LNX2: variants seen among roughly 807,000 people sequenced by gnomAD.
LNX2 encodes ligand of numb-protein X 2.
LNX2 carries 35 observed loss-of-function variants against 66.2 expected under a neutral mutation model. That is an observed-to-expected ratio of 0.53 (90% CI 0.40 to 0.70). The LOEUF (loss-of-function observed/expected upper bound fraction) is 0.70. LNX2 is among the 30% of genes least tolerant of loss of function. The pLI, the probability that LNX2 is intolerant of heterozygous loss-of-function variation, is 0.00. For synonymous variants in LNX2, 337 were observed against 315.6 expected, an observed-to-expected ratio of 1.07 and a Z score of -0.72; for missense variants, 791 against 850.8, an observed-to-expected ratio of 0.93 and a Z score of 0.87.
intron 2 of LNX2, among the ~76,000 whole-genome samples, chr13:27,575,133 C>T (rs1197474622): frequency 6.6e-6 from 1 of 152,194 alleles, no homozygotes; most frequent in Non-Finnish European, 1.5e-5. Context: ...AAATGAAGAG[C>T]ATCAGTACAG....
intron 1 of LNX2, among the ~76,000 whole-genome samples, chr13:27,599,211 G>C (rs1044468506): frequency 6.6e-6 from 1 of 151,994 alleles, no homozygotes; most frequent in Non-Finnish European, 1.5e-5. Flanking sequence ...ATTTGTCATG[G>C]GGCACAAAAT....
At chr13:27,567,451 G>T (rs186771124) in intron 4 of LNX2, among the ~76,000 whole-genome samples, 189 bp downstream of exon 4, 1 of 152,066 alleles carries the variant, frequency 6.6e-6, no homozygotes, top group East Asian at 1.9e-4. Flanking sequence ...AATTAAGATA[G>T]GAAGAAAAAA....
chr13:27,590,852 A>T (rs1032660932), intron 1 of LNX2, among the ~76,000 whole-genome samples: 3 of 152,226 alleles, frequency 2.0e-5, no homozygotes, highest in African/African-American at 7.2e-5. Context: ...AGAACAAGAT[A>T]TAAGAAATTT....
chr13:27,575,583 C>T (rs1955333128), intron 2 of LNX2, among the ~76,000 whole-genome samples: 1 of 152,112 alleles, frequency 6.6e-6, no homozygotes, highest in Admixed American at 6.6e-5. Context: ...ACTGGGATCA[C>T]TGGCTCTCCT....
At chr13:27,618,225 A>C (rs1430980407) in intron 1 of LNX2, among the ~76,000 whole-genome samples, 1 of 152,172 alleles carries the variant, frequency 6.6e-6, no homozygotes, top group Non-Finnish European at 1.5e-5. Context: ...ATACCTCTTA[A>C]ACACCACGTC....
At chr13:27,581,238 T>C in intron 2 of LNX2, 59 bp downstream of exon 2, 3 of 1,378,134 alleles carry the variant, frequency 2.2e-6, no homozygotes, top group Non-Finnish European at 2.9e-6. Flanking sequence ...AGTTTTTATG[T>C]TCATTTGAAC....
At chr13:27,615,447 T>C (rs1390932591) in intron 1 of LNX2, among the ~76,000 whole-genome samples, 2 of 152,148 alleles carry the variant, frequency 1.3e-5, no homozygotes, top group Non-Finnish European at 2.9e-5. Flanking sequence ...CTTGGGCCTT[T>C]TATGAAGACT....
At chr13:27,557,424 T>C (rs944696132) in intron 6 of LNX2, among the ~76,000 whole-genome samples, 7 of 152,080 alleles carry the variant, frequency 4.6e-5, no homozygotes, top group Admixed American at 3.3e-4. Context: ...TATGTTTATA[T>C]AGTGTGATAG....
rs572632225 is a variant in LNX2 at position 27,560,381 on chromosome 13, A to G, written c.1225-396T>C. ...AAAGGAAGAACTGCTTCAAAACTTG[A>G]TTAAAGTCCATTGTGACTTTTGAAA... is the stretch of plus-strand genomic sequence containing the variant. On this transcript the variant is annotated intron_variant, in intron 5 of 9. Transcript: ENST00000316334. Among the ~76,000 whole-genome samples the G allele has an allele frequency of 1.1e-4, 16 of 152,222 alleles. No homozygotes were observed. In the South Asian group the frequency reaches 1.9e-3, roughly 18 times the overall value.
At chr13:27,554,649 A>G (rs1955038567) in intron 7 of LNX2, among the ~76,000 whole-genome samples, 1 of 152,160 alleles carries the variant, frequency 6.6e-6, no homozygotes, top group African/African-American at 2.4e-5. Flanking sequence ...TGGACATTTG[A>G]GTGGTTTCCA....
chr13:27,603,328 C>T (rs890958077), intron 1 of LNX2, among the ~76,000 whole-genome samples: 4 of 152,170 alleles, frequency 2.6e-5, no homozygotes, highest in African/African-American at 7.2e-5. Flanking sequence ...CTTGGAACTA[C>T]GTCCTCTAAT....
At chr13:27,586,836 C>T (rs561228893) in intron 1 of LNX2, among the ~76,000 whole-genome samples, 4 of 152,086 alleles carry the variant, frequency 2.6e-5, no homozygotes, top group East Asian at 1.9e-4. Context: ...TTAGCTTGGG[C>T]GGGATTATTA....
chr13:27,619,953 A>G (rs1015422551), intron 1 of LNX2, among the ~76,000 whole-genome samples: 3 of 152,194 alleles, frequency 2.0e-5, no homozygotes, highest in Non-Finnish European at 2.9e-5. Flanking sequence ...AAAACCCGAT[A>G]AAGGCAGCTA....
intron 1 of LNX2, among the ~76,000 whole-genome samples, chr13:27,583,229 T>TGCGCGCGCGCGCGCGCGCGC (rs1955432911): frequency 5.1e-5 from 1 of 19,636 alleles, no homozygotes; most frequent in Non-Finnish European, 1.0e-4. Context: ...TGTGTGTGTG[T>TGCGCGCGCGCGCGCGCGCGC]GTGTGTGTGT....
chr13:27,610,136 A>G (rs1272009298), intron 1 of LNX2, among the ~76,000 whole-genome samples: 1 of 152,218 alleles, frequency 6.6e-6, no homozygotes, highest in Admixed American at 6.5e-5. Flanking sequence ...ATGCACTGCT[A>G]CTACTGATCA....
At chr13:27,607,053 A>G (rs1198033440) in intron 1 of LNX2, among the ~76,000 whole-genome samples, 1 of 152,244 alleles carries the variant, frequency 6.6e-6, no homozygotes, top group Admixed American at 6.5e-5. Flanking sequence ...ATTTATCTGC[A>G]AAGTTATTTC....
Position 27,615,534 on chromosome 13 carries a change from G to A in LNX2, c.-101+4841C>T, listed in dbSNP as rs138421347. The stretch of plus-strand genomic sequence containing the variant: ...CCCTTCAGCTCCTCTGCCCTCCCTG[G>A]AGGGTGGTGGTGGGGCTGACAGTCC... On this transcript the variant is annotated intron_variant, in intron 1 of 9. Transcript: ENST00000316334. Among the ~76,000 whole-genome samples, 3 of 152,128 alleles carry A rather than the reference G, an allele frequency of 2.0e-5. No individual in the cohort carries two copies. The East Asian group carries it at 5.8e-4, about 29-fold the overall frequency.
At chr13:27,574,076 T>C (rs116892149) in intron 2 of LNX2, among the ~76,000 whole-genome samples, 3,217 of 152,254 alleles carry the variant, frequency 0.021, 88 homozygotes, top group Non-Finnish European at 0.026. Context: ...ATGAGAATGA[T>C]GTCTTATCAA....
At chr13:27,613,661 G>C (rs750533508) in intron 1 of LNX2, among the ~76,000 whole-genome samples, 51 of 152,086 alleles carry the variant, frequency 3.4e-4, no homozygotes, top group Non-Finnish European at 5.9e-4. Flanking sequence ...CCAGCTATTG[G>C]GGAGGCTGAG....
Sources: allele counts gnomAD v4.1 joint callset (sites outside exome capture counted in the v4.1 genomes callset), GRCh38; gene constraint gnomAD v4.1.1; transcripts MANE v1.5; gene names NCBI Gene and HGNC (gene_info 2026-07-23, HGNC 2026-07-21).